ZSCAN20: variants seen among roughly 807,000 people sequenced by gnomAD.
The protein encoded by ZSCAN20 is zinc finger and SCAN domain-containing protein 20.
A neutral mutation model predicts 97.1 loss-of-function variants in ZSCAN20; 39 were observed. The ratio of observed to expected loss-of-function variants is 0.40; its 90% CI spans 0.31 to 0.52. The LOEUF is 0.52. Ranked by LOEUF, ZSCAN20 falls within the 20% of genes least tolerant of loss-of-function variation. ZSCAN20 has a pLI of 0.49. For missense variants in ZSCAN20, 1,115 were observed against 1,290.4 expected, an observed-to-expected ratio of 0.86 and a Z score of 2.08; for synonymous variants, 456 against 467.3, an observed-to-expected ratio of 0.98 and a Z score of 0.31.
rs1652904197 is a variant in ZSCAN20 at position 33,497,240 on chromosome 1, C to G, written c.*1764C>G. On this transcript the variant is annotated 3_prime_UTR_variant, in exon 8 of 8. Coordinates refer to ENST00000684572, the MANE Select transcript of ZSCAN20 (RefSeq NM_001377376.1). Reference sequence around the variant, plus strand: ...CCTCCTTTCCCAAGAACCAGCCCCACTAGGATCACCGTCAACTCCCTCCCA... The same window carrying G: ...CCTCCTTTCCCAAGAACCAGCCCCAGTAGGATCACCGTCAACTCCCTCCCA... Among the ~76,000 whole-genome samples, 1 of 152,208 alleles carries G rather than the reference C, an allele frequency of 6.6e-6. No homozygotes were observed. Among genetic ancestry groups the G allele is most frequent in the Admixed American group, 6.5e-5 (1 of 15,288 alleles).
rs1653024317 is a variant in ZSCAN20 at position 33,500,377 on chromosome 1, A to G, written c.*4901A>G. On this transcript the variant is annotated 3_prime_UTR_variant, in exon 8 of 8. Transcript: ENST00000684572. ...ACCCCATTTTATGCTGCTTGGAGGA[A>G]GAGACAGAGAGTTTGAGAGGTCCCA... Among the ~76,000 whole-genome samples the G allele has an allele frequency of 8.2e-6, 1 of 122,436 alleles. No individual in the cohort carries two copies. The allele number at this position is 122,436 out of a possible 152,430, so 80.3% of individuals were successfully genotyped here. A position where few individuals can be genotyped will look rare whatever the true frequency, so the allele number is the denominator to read the frequency against.
At position 33,488,620 on chromosome 1, in the gene ZSCAN20, C is replaced by T. The variant is rs146912787; in HGVS notation, c.573C>T (p.Ala191=). 7.6e-5 allele frequency: 122 copies of T among 1,612,864 alleles called. No homozygotes were observed. Among genetic ancestry groups the T allele is most frequent in the African/African-American group, 4.9e-4 (37 of 74,908 alleles). ...TCPDLPNHLN[A]EVAPQPLKES... ...CTGACCTTCCCAATCACCTAAATGC[C>T]GAGGTGGCACCACAGCCTTTGAAAG... Residue 191 remains alanine, a synonymous_variant, in exon 3 of 8, where the codon GCC becomes GCT. Transcript: ENST00000684572.
Position 33,491,016 on chromosome 1 carries a change from C to T in ZSCAN20, c.767-9C>T. 2 of 1,586,120 alleles carry T rather than the reference C, an allele frequency of 1.3e-6. No individual in the cohort carries two copies. The highest frequency in any genetic ancestry group is 1.7e-6 in the Non-Finnish European group (2 of 1,168,726). ...CATTTCTACTCTGTCATTTCTCTTC[C>T]TTTTGTAGGAGTTCCAGTTTCAAAA... On this transcript the variant is annotated splice_polypyrimidine_tract_variant and intron_variant, in intron 5 of 7. Coordinates refer to ENST00000684572, the MANE Select transcript of ZSCAN20 (RefSeq NM_001377376.1). This position sits in a 1 kb window ranked among gnomAD's most constrained non-coding sequence, Gnocchi z 4.3.
In ZSCAN20 at chr1:33,500,291, C is replaced by T. The variant is rs141760919; in HGVS notation, c.*4815C>T. On this transcript the variant is annotated 3_prime_UTR_variant, in exon 8 of 8. Coordinates refer to ENST00000684572, the MANE Select transcript of ZSCAN20 (RefSeq NM_001377376.1). ...AGTGGGTGACCTTTCTCCTCACCTC[C>T]GTGTGCCGCATCTCTCACCTAGTCT... is the stretch of plus-strand genomic sequence containing the variant. 2.0e-4 allele frequency among the ~76,000 whole-genome samples: 31 copies of T among 152,222 alleles called. No homozygotes were observed. In the East Asian group the frequency reaches 5.0e-3, roughly 25 times the overall value.
In ZSCAN20 at chr1:33,491,021, G is replaced by T. The variant is rs1287941221; in HGVS notation, c.767-4G>T. 1 of 1,589,754 alleles carries T rather than the reference G, an allele frequency of 6.3e-7. No homozygotes were observed. ...CTACTCTGTCATTTCTCTTCCTTTTGTAGGAGTTCCAGTTTCAAAACCAAG... is the reference window on the plus strand; with the variant it reads ...CTACTCTGTCATTTCTCTTCCTTTTTTAGGAGTTCCAGTTTCAAAACCAAG... On this transcript the variant is annotated splice_region_variant and splice_polypyrimidine_tract_variant and intron_variant, in intron 5 of 7. Coordinates refer to ENST00000684572, the MANE Select transcript of ZSCAN20 (RefSeq NM_001377376.1). The surrounding 1 kb of genome is among the most constrained non-coding windows in gnomAD (Gnocchi z 4.3).
intron 1 of ZSCAN20, among the ~76,000 whole-genome samples, chr1:33,475,143 A>C (rs189378951): frequency 4.3e-4 from 65 of 152,376 alleles, no homozygotes; most frequent in African/African-American, 1.4e-3. Context: ...TGACTAGCAC[A>C]CATAGAGGAG....
chr1:33,479,980 C>T (rs1652087429), intron 2 of ZSCAN20, among the ~76,000 whole-genome samples: 1 of 152,098 alleles, frequency 6.6e-6, no homozygotes, highest in Non-Finnish European at 1.5e-5. Context: ...TGCCCAGGGT[C>T]TCAACAGCTG....
chr1:33,476,234 C>T (rs926076315), intron 1 of ZSCAN20, among the ~76,000 whole-genome samples: 6 of 152,162 alleles, frequency 3.9e-5, no homozygotes, highest in Admixed American at 6.5e-5. Context: ...TGAAGTCACC[C>T]GGCTGTTGGC....
intron 5 of ZSCAN20, 25 bp from the exon 6 acceptor site, chr1:33,491,000 T>C: frequency 6.4e-7 from 1 of 1,568,900 alleles, no homozygotes; most frequent in South Asian, 1.2e-5. Context: ...CCATTTCTAC[T>C]CTGTCATTTC....
chr1:33,498,568 G>A lies in ZSCAN20; in HGVS notation c.*3092G>A, dbSNP rs1365754579. Among the ~76,000 whole-genome samples, 2 of 152,176 alleles carry A rather than the reference G, an allele frequency of 1.3e-5. No homozygotes were observed. The highest frequency in any genetic ancestry group is 2.9e-5 in the Non-Finnish European group (2 of 68,030). ...TGCTGCTCAGATAAACTGACATCTGGTTTTACACACCCTGAGCTTTGCTAG... is the reference window on the plus strand; with the variant it reads ...TGCTGCTCAGATAAACTGACATCTGATTTTACACACCCTGAGCTTTGCTAG... On this transcript the variant is annotated 3_prime_UTR_variant, in exon 8 of 8. Transcript: ENST00000684572.
intron 2 of ZSCAN20, among the ~76,000 whole-genome samples, chr1:33,480,391 G>A (rs576327975): frequency 1.3e-5 from 2 of 152,256 alleles, no homozygotes; most frequent in South Asian, 4.1e-4. Context: ...GGCCCACAAA[G>A]GTCATCAGTG....
intron 2 of ZSCAN20, among the ~76,000 whole-genome samples, chr1:33,487,668 G>T (rs1438702870): frequency 6.6e-6 from 1 of 152,088 alleles, no homozygotes; most frequent in South Asian, 2.1e-4. Flanking sequence ...TTTGAGACAA[G>T]TTCTCACTCC....
At position 33,491,073 on chromosome 1, in the gene ZSCAN20, C is replaced by A. The variant is rs1313812296; in HGVS notation, c.815C>A (p.Pro272Gln). 3 of 1,612,092 alleles carry A rather than the reference C, an allele frequency of 1.9e-6. No individual in the cohort carries two copies. The highest frequency in any genetic ancestry group is 3.4e-5 in the Admixed American group (2 of 59,574). Residue 272 changes from proline (P) to glutamine (Q), a missense_variant, in exon 6 of 8, where the codon CCA becomes CAA. By Grantham distance (76) the Pro-to-Gln change is moderately conservative. Around this residue, in one of 3 missense-constraint regions of ZSCAN20, gnomAD observed 508 missense variants for 611.2 expected, o/e 0.83. Coordinates refer to ENST00000684572, the MANE Select transcript of ZSCAN20 (RefSeq NM_001377376.1). The surrounding 1 kb of genome is among the most constrained non-coding windows in gnomAD (Gnocchi z 4.3). The part of the protein sequence containing the change: ...PSNTSEKEQG[P>Q]EFWGLSLINS... ...AATACCTCCGAGAAAGAGCAAGGAC[C>A]AGAGTTTTGGGGTCTAAGTCTTATA...
In ZSCAN20 at chr1:33,493,144, A is replaced by T. The variant is rs768507306; in HGVS notation, c.1445-43A>T. 1.3e-6 allele frequency: 2 copies of T among 1,590,566 alleles called. No individual in the cohort carries two copies. Among genetic ancestry groups the T allele is most frequent in the Admixed American group, 3.4e-5 (2 of 59,212 alleles). On this transcript the variant is annotated intron_variant, in intron 6 of 7. Coordinates refer to ENST00000684572, the MANE Select transcript of ZSCAN20 (RefSeq NM_001377376.1). This position sits in a 1 kb window ranked among gnomAD's most constrained non-coding sequence, Gnocchi z 4.3. ...CTTTATTCTCTGATGACCTAGGCAC[A>T]TCTCATTAAGTCTCACAGTTCTCAA...
intron 5 of ZSCAN20, among the ~76,000 whole-genome samples, chr1:33,489,885 A>G (rs1325639234): frequency 6.6e-6 from 1 of 152,078 alleles, no homozygotes; most frequent in Non-Finnish European, 1.5e-5. Context: ...CTGGACTGCC[A>G]TCTCAGAAAT....
At chr1:33,480,778 C>T (rs761255018) in intron 2 of ZSCAN20, among the ~76,000 whole-genome samples, 5 of 152,154 alleles carry the variant, frequency 3.3e-5, no homozygotes, top group South Asian at 2.1e-4. Context: ...TGCAAGTGAC[C>T]GCTGAAAGCC....
In ZSCAN20 at chr1:33,481,139, T is replaced by G. The variant is rs74574029; in HGVS notation, c.417+1434T>G. Among the ~76,000 whole-genome samples the G allele has an allele frequency of 7.3e-3, 1,119 of 152,312 alleles. 6 individuals carry two copies. The highest frequency in any genetic ancestry group is 0.025 in the African/African-American group (1,046 of 41,554). On this transcript the variant is annotated intron_variant, in intron 2 of 7. Coordinates refer to ENST00000684572, the MANE Select transcript of ZSCAN20 (RefSeq NM_001377376.1). ...ATACAGGGAGACTAATATATAAAGT[T>G]ACAGAACTAAGTATGAGAGAGTGTG...
At chr1:33,481,285 A>G (rs1312170934) in intron 2 of ZSCAN20, among the ~76,000 whole-genome samples, 1 of 152,228 alleles carries the variant, frequency 6.6e-6, no homozygotes, top group Non-Finnish European at 1.5e-5. Flanking sequence ...TGGGACATAA[A>G]GAACTTGAGA....
intron 3 of ZSCAN20, 105 bp from the exon 4 acceptor site, chr1:33,489,010 T>G (rs1652485476): frequency 2.2e-6 from 2 of 907,926 alleles, no homozygotes. Context: ...GCCATAGGGA[T>G]AGCCCTAGCT....
Sources: gnomAD v4.1 joint callset for allele counts (sites outside exome capture counted in the v4.1 genomes callset) on GRCh38, gnomAD v4.1.1 for gene constraint, gnomAD v4.1.1 regional missense constraint, Gnocchi (gnomAD v3.1) non-coding constraint, MANE v1.5 for transcripts, NCBI Gene and HGNC (gene_info 2026-07-23, HGNC 2026-07-21) for gene names.